SPAG17: variants seen among roughly 807,000 people sequenced by gnomAD.
SPAG17 encodes the protein sperm associated antigen 17.
SPAG17 carries 169 observed loss-of-function variants against 273.6 expected under a neutral mutation model. The ratio of observed to expected loss-of-function variants is 0.62; its 90% confidence interval spans 0.55 to 0.70. The LOEUF (loss-of-function observed/expected upper bound fraction) is 0.70. Ranked by LOEUF, SPAG17 falls within the 30% of genes least tolerant of loss-of-function variation. The pLI is 0.00. For synonymous variants in SPAG17, 825 were observed against 873.2 expected (o/e 0.94, Z 0.97); for missense variants, 2,557 against 2,627.8 (o/e 0.97, Z 0.59).
chr1:118,081,795 GT>G (rs1654599767), intron 13 of SPAG17, among the ~76,000 whole-genome samples, 153 bp from the exon 14 acceptor site: 1 of 152,146 alleles, frequency 6.6e-6, no homozygotes, highest in Non-Finnish European at 1.5e-5. Context: ...TGGCTCCCCA[GT>G]CTGCCGCAAA....
rs771174852 is a variant in SPAG17 at position 118,066,918 on chromosome 1, G to A, written c.2386-19C>T. ...GAAGGACCTGAAAATCAAAATAATTGCATTGTAGAATCTTTTTTATTTTCC... is the reference window on the plus strand; with the variant it reads ...GAAGGACCTGAAAATCAAAATAATTACATTGTAGAATCTTTTTTATTTTCC... On this transcript the variant is annotated intron_variant, in intron 17 of 48. Coordinates refer to ENST00000336338, the MANE Select transcript of SPAG17 (RefSeq NM_206996.4). 5 of 1,590,476 alleles carry A rather than the reference G, an allele frequency of 3.1e-6. No homozygotes were observed. Among genetic ancestry groups the A allele is most frequent in the Admixed American group, 1.8e-5 (1 of 54,370 alleles).
chr1:118,005,478 T>C lies in SPAG17; in HGVS notation c.4712A>G (p.Tyr1571Cys). The change falls in exon 32 of 49, where the codon TAC becomes TGC. Residue 1571 changes from tyrosine to cysteine, a missense_variant. Coordinates refer to ENST00000336338, the MANE Select transcript of SPAG17 (RefSeq NM_206996.4). ...QKREQLRAGR[Y>C]IMRHTSEVIC... is the part of the protein sequence containing the mutation. The stretch of plus-strand genomic sequence containing the variant: ...AACCTCTGAAGTATGCCTCATGATG[T>C]ACCTGCCAGCTCGCAGCTGCTCACG... 6.2e-7 allele frequency: 1 copy of C among 1,613,756 alleles called. No homozygotes were observed. The highest frequency in any genetic ancestry group is 8.5e-7 in the Non-Finnish European group (1 of 1,179,770).
At chr1:118,168,029 C>T (rs1660252626) in intron 1 of SPAG17, among the ~76,000 whole-genome samples, 2 of 152,262 alleles carry the variant, frequency 1.3e-5, no homozygotes, top group African/African-American at 4.8e-5. Context: ...TGAGGCCTCC[C>T]CAGAAGCAGA....
chr1:117,958,916 C>T (rs1461080553), intron 48 of SPAG17: 6 of 1,613,590 alleles, frequency 3.7e-6, no homozygotes, highest in Non-Finnish European at 5.1e-6. Flanking sequence ...TCAGGATTCA[C>T]TTTGGACAGA....
intron 22 of SPAG17, among the ~76,000 whole-genome samples, chr1:118,040,085 T>A (rs1649557493): frequency 6.6e-6 from 1 of 152,190 alleles, no homozygotes; most frequent in Non-Finnish European, 1.5e-5. Flanking sequence ...ATTATTATTG[T>A]GGTCGTTAAT....
intron 42 of SPAG17, among the ~76,000 whole-genome samples, chr1:117,983,596 C>G (rs917842195): frequency 6.6e-6 from 1 of 152,174 alleles, no homozygotes; most frequent in Non-Finnish European, 1.5e-5. Context: ...TTAGTCAGGT[C>G]TCCTAAATGC....
chr1:118,016,122 G>A lies in SPAG17; in HGVS notation c.4130C>T (p.Pro1377Leu), dbSNP rs1202650022. 4 of 1,613,938 alleles carry A rather than the reference G, an allele frequency of 2.5e-6. No individual in the cohort carries two copies. In the South Asian group the frequency reaches 4.4e-5, roughly 18 times the overall value. ...AHKGEIHDPP[P>L]EAVQTVTPVE... ...AGGAGTTACAGTTTGAACTGCCTCT[G>A]GAGGAGGGTCATGGATTTCACCCTT... is the stretch of plus-strand genomic sequence containing the variant. Residue 1377 changes from proline to leucine, a missense_variant, in exon 29 of 49, where the codon CCA (proline) becomes CTA (leucine). Transcript: ENST00000336338.
chr1:118,105,031 A>G (rs565229103), intron 4 of SPAG17, among the ~76,000 whole-genome samples: 1 of 152,322 alleles, frequency 6.6e-6, no homozygotes, highest in Admixed American at 6.5e-5. Flanking sequence ...AGAAGTCAAC[A>G]TGGGATAAGA....
rs781527633 is a variant in SPAG17, at chr1:117,981,385, C to A, written c.5889G>T (p.Lys1963Asn). ...SDLNLDFKPHKVSEQKSSSVP... is the reference protein window; with the variant it reads ...SDLNLDFKPHNVSEQKSSSVP... ...CACTTGAGGATTTCTGTTCTGAAAC[C>A]TTATGTGGCTTGAAATCTAGAAAAC... is the stretch of plus-strand genomic sequence containing the variant. Residue 1963 changes from lysine (K) to asparagine (N), a missense_variant, in exon 43 of 49, where the codon AAG becomes AAT. Coordinates refer to ENST00000336338, the MANE Select transcript of SPAG17 (RefSeq NM_206996.4). 6.3e-7 allele frequency: 1 copy of A among 1,591,858 alleles called. No homozygotes were observed. The highest frequency in any genetic ancestry group is 8.5e-7 in the Non-Finnish European group (1 of 1,174,732).
intron 3 of SPAG17, among the ~76,000 whole-genome samples, chr1:118,136,801 ATGTGTGTG>A (rs5777337): frequency 1.4e-3 from 205 of 147,256 alleles, no homozygotes; most frequent in Non-Finnish European, 1.9e-3. Flanking sequence ...GTGTGTGTGT[ATGTGTGTG>A]TGTGTGTGTG....
intron 3 of SPAG17, among the ~76,000 whole-genome samples, chr1:118,148,170 G>GC: frequency 6.6e-6 from 1 of 152,266 alleles, no homozygotes; most frequent in Middle Eastern, 3.4e-3. Context: ...ATGGGATGTT[G>GC]CAAGACTTTC....
chr1:118,002,618 CTG>C (rs1473867656), intron 32 of SPAG17, among the ~76,000 whole-genome samples: 4 of 152,076 alleles, frequency 2.6e-5, no homozygotes, highest in Non-Finnish European at 5.9e-5. Flanking sequence ...GGTTTAAAGT[CTG>C]TTTTATCAGA....
chr1:118,036,802 A>G lies in SPAG17; in HGVS notation c.3401T>C (p.Ile1134Thr). The G allele has an allele frequency of 1.9e-6, 3 of 1,558,030 alleles. No homozygotes were observed. The highest frequency in any genetic ancestry group is 2.6e-6 in the Non-Finnish European group (3 of 1,149,492). ...ATLENGICLS[I>T]SYYGSNGMAP... ...CATTCCATTTGATCCATAGTAACTT[A>G]TCGAGAGGCAGATTCCATTTTCTAA... is the stretch of plus-strand genomic sequence containing the variant. Residue 1134 changes from isoleucine (I) to threonine (T), a missense_variant, in exon 24 of 49, where the codon ATA (isoleucine) becomes ACA (threonine). Transcript: ENST00000336338.
chr1:118,043,346 C>T (rs150328954), intron 20 of SPAG17, among the ~76,000 whole-genome samples: 100 of 152,304 alleles, frequency 6.6e-4, no homozygotes, highest in African/African-American at 2.2e-3. Context: ...ACCTAGCTCA[C>T]ATTAACTTAA....
At chr1:117,954,166 T>C in intron 48 of SPAG17, 117 bp from the exon 49 acceptor site, 1 of 1,350,110 alleles carries the variant, frequency 7.4e-7, no homozygotes, top group Non-Finnish European at 1.0e-6. Flanking sequence ...AACCATTGTT[T>C]TGGGATTTAT....
chr1:118,037,342 C>CT (rs887189583), intron 23 of SPAG17, among the ~76,000 whole-genome samples: 3 of 151,952 alleles, frequency 2.0e-5, no homozygotes, highest in African/African-American at 4.8e-5. Context: ...TGTTAAGGCA[C>CT]TTTTTTTTCT....
chr1:118,184,330 G>T lies in SPAG17; in HGVS notation c.87+741C>A, dbSNP rs147662406. On this transcript the variant is annotated intron_variant, in intron 1 of 48. Transcript: ENST00000336338. Reference sequence around the variant, plus strand: ...CGTAGAAACAGCTTAATGTAGAAGGGGATTTCCAGCTGCAGGTGACAAGAG... The same window carrying T: ...CGTAGAAACAGCTTAATGTAGAAGGTGATTTCCAGCTGCAGGTGACAAGAG... 4.2e-4 allele frequency among the ~76,000 whole-genome samples: 64 copies of T among 152,270 alleles called. 1 individual carries two copies. The East Asian group carries it at 0.012, about 29-fold the overall frequency.
chr1:118,137,257 A>T (rs1490321596), intron 3 of SPAG17, among the ~76,000 whole-genome samples: 1 of 152,220 alleles, frequency 6.6e-6, no homozygotes, highest in Non-Finnish European at 1.5e-5. Flanking sequence ...AAATAATGAA[A>T]ATAATTTGGT....
intron 1 of SPAG17, among the ~76,000 whole-genome samples, chr1:118,155,544 C>T (rs372842874): frequency 5.3e-5 from 8 of 152,222 alleles, no homozygotes; most frequent in South Asian, 2.1e-4. Flanking sequence ...TATGATAGGG[C>T]GCCTGTGTCC....
Sources: gnomAD v4.1 joint callset for allele counts (sites outside exome capture counted in the v4.1 genomes callset) on GRCh38, gnomAD v4.1.1 for gene constraint, MANE v1.5 for transcripts, NCBI Gene and HGNC (gene_info 2026-07-23, HGNC 2026-07-21) for gene names.